MTUS1: variants seen among roughly 807,000 people sequenced by gnomAD.
MTUS1 encodes microtubule-associated tumor suppressor 1.
A neutral mutation model predicts 120.8 loss-of-function variants in MTUS1; 109 were observed. The observed-to-expected ratio is 0.90, with a 90% CI of 0.77 to 1.06. The LOEUF (loss-of-function observed/expected upper bound fraction) is 1.06, where lower values mean the gene tolerates loss of function less well. MTUS1 is among the 50% of genes least tolerant of loss of function. The pLI is 0.00. For synonymous variants in MTUS1, 737 were observed against 550.5 expected (o/e 1.34, Z -4.74); for missense variants, 2,210 against 1,486.3 (o/e 1.49, Z -8.01).
chr8:17,776,127 T>A (rs75995881), intron 1 of MTUS1, among the ~76,000 whole-genome samples: 4,078 of 152,198 alleles, frequency 0.027, 110 homozygotes, highest in African/African-American at 0.065. Flanking sequence ...CAACTGCAGA[T>A]TGAACATAGT....
chr8:17,791,080 A>C (rs1490922225), intron 1 of MTUS1, among the ~76,000 whole-genome samples: 1 of 152,192 alleles, frequency 6.6e-6, no homozygotes, highest in Non-Finnish European at 1.5e-5. Context: ...AACTAGTCAA[A>C]TAACAGCATC....
chr8:17,787,630 G>C (rs552613554), intron 1 of MTUS1, among the ~76,000 whole-genome samples: 2 of 152,100 alleles, frequency 1.3e-5, no homozygotes, highest in East Asian at 1.9e-4. Flanking sequence ...AATATTCTTC[G>C]CCTCATTTTC....
At chr8:17,680,965 G>A (rs1349880932) in intron 7 of MTUS1, among the ~76,000 whole-genome samples, 3 of 151,406 alleles carry the variant, frequency 2.0e-5, no homozygotes, top group African/African-American at 7.3e-5. Flanking sequence ...TTGGAATCTC[G>A]CTCTGTTGCC....
At chr8:17,719,727 T>C (rs1390068634) in intron 4 of MTUS1, among the ~76,000 whole-genome samples, 2 of 152,106 alleles carry the variant, frequency 1.3e-5, no homozygotes, top group East Asian at 3.9e-4. Context: ...CTAACCAGTG[T>C]TGGCCACTAA....
intron 1 of MTUS1, among the ~76,000 whole-genome samples, chr8:17,787,510 T>G (rs2051405278): frequency 6.6e-6 from 1 of 152,198 alleles, no homozygotes; most frequent in Non-Finnish European, 1.5e-5. Context: ...CCTAAACACC[T>G]GGTAGGTCTG....
intron 7 of MTUS1, among the ~76,000 whole-genome samples, chr8:17,681,071 C>G (rs559824033): frequency 2.0e-5 from 3 of 152,162 alleles, no homozygotes; most frequent in Admixed American, 6.5e-5. Context: ...GTAGCTGGGA[C>G]TACAGGCACA....
chr8:17,693,951 G>A (rs1379029287), intron 6 of MTUS1, among the ~76,000 whole-genome samples: 1 of 152,204 alleles, frequency 6.6e-6, no homozygotes, highest in African/African-American at 2.4e-5. Context: ...AAAGGCTGGA[G>A]GCACAGACCA....
At chr8:17,652,029 G>A (rs1352338977) in intron 12 of MTUS1, among the ~76,000 whole-genome samples, 1 of 148,246 alleles carries the variant, frequency 6.7e-6, no homozygotes, top group Non-Finnish European at 1.5e-5. Context: ...ATTATTTGCA[G>A]AAGGTCTCAC....
intron 1 of MTUS1, among the ~76,000 whole-genome samples, chr8:17,793,789 T>C (rs1351585631): frequency 2.6e-5 from 4 of 152,128 alleles, no homozygotes; most frequent in Admixed American, 2.0e-4. Context: ...AGAATGTCAA[T>C]ACAACCTACG....
At chr8:17,723,975 G>C (rs2046024514) in intron 3 of MTUS1, 142 bp from the exon 4 acceptor site, 1 of 663,088 alleles carries the variant, frequency 1.5e-6, no homozygotes, top group African/African-American at 1.8e-5. Context: ...AACTTCAGAT[G>C]AAAGATGAAA....
intron 2 of MTUS1, 47 bp downstream of exon 2, chr8:17,753,670 C>T (rs1586175674): frequency 7.7e-7 from 1 of 1,301,370 alleles, no homozygotes; most frequent in Non-Finnish European, 1.1e-6. Flanking sequence ...TCTCAGTTTT[C>T]TCCACAGTTC....
At chr8:17,791,425 G>A (rs1020000702) in intron 1 of MTUS1, among the ~76,000 whole-genome samples, 2 of 152,160 alleles carry the variant, frequency 1.3e-5, no homozygotes, top group African/African-American at 4.8e-5. Context: ...TATGTTACAG[G>A]TGAAAAATCA....
intron 8 of MTUS1, among the ~76,000 whole-genome samples, chr8:17,659,553 G>T (rs748959970): frequency 1.3e-5 from 2 of 152,028 alleles, no homozygotes; most frequent in Non-Finnish European, 2.9e-5. Flanking sequence ...AATTAGCTGG[G>T]CGTGGTGGTG....
intron 8 of MTUS1, among the ~76,000 whole-genome samples, chr8:17,660,265 C>T (rs1046043773): frequency 2.6e-5 from 4 of 151,986 alleles, no homozygotes; most frequent in African/African-American, 4.8e-5. Flanking sequence ...CCCAGCTACT[C>T]GGGAGGCTGA....
At chr8:17,697,315 C>T in intron 6 of MTUS1, 3 of 1,614,132 alleles carry the variant, frequency 1.9e-6, no homozygotes, top group Non-Finnish European at 1.7e-6. Context: ...GGTTTCGAAG[C>T]AATCCTTTGG....
chr8:17,776,504 C>G (rs1488053027), intron 1 of MTUS1, among the ~76,000 whole-genome samples: 5 of 151,778 alleles, frequency 3.3e-5, no homozygotes, highest in African/African-American at 1.2e-4. Flanking sequence ...CGTGGTGAAA[C>G]CCCGTCTCTA....
intron 8 of MTUS1, chr8:17,674,684 C>G (rs1235142962): frequency 3.0e-6 from 3 of 987,174 alleles, no homozygotes; most frequent in Non-Finnish European, 3.6e-6. Flanking sequence ...GGTGAACCAT[C>G]AGCCCCCCTC....
chr8:17,665,621 A>T (rs764205606), intron 8 of MTUS1, among the ~76,000 whole-genome samples: 10 of 152,126 alleles, frequency 6.6e-5, no homozygotes, highest in Non-Finnish European at 1.5e-4. Flanking sequence ...TCAGCCTCCC[A>T]AAGTGCTGGA....
chr8:17,681,072 T>A (rs1376042569), intron 7 of MTUS1, among the ~76,000 whole-genome samples: 1 of 152,168 alleles, frequency 6.6e-6, no homozygotes, highest in East Asian at 1.9e-4. Flanking sequence ...TAGCTGGGAC[T>A]ACAGGCACAT....
Sources: gnomAD v4.1 joint callset for allele counts (sites outside exome capture counted in the v4.1 genomes callset) on GRCh38, gnomAD v4.1.1 for gene constraint, MANE v1.5 for transcripts, NCBI Gene and HGNC (gene_info 2026-07-23, HGNC 2026-07-21) for gene names.